The following ZBTB7C variants were observed in gnomAD, a reference collection of about 807,000 sequenced individuals.
ZBTB7C encodes zinc finger and BTB domain containing 7C, also known as zinc finger and BTB domain-containing protein 7C.
A neutral mutation model predicts 25.7 loss-of-function variants in ZBTB7C; 8 were observed. That is an observed-to-expected ratio of 0.31 (90% CI 0.18 to 0.56). ZBTB7C has a LOEUF of 0.56. Ranked by LOEUF, ZBTB7C falls within the 20% of genes least tolerant of loss-of-function variation. ZBTB7C has a pLI of 0.91. For synonymous variants in ZBTB7C, 394 were observed against 369.0 expected, an observed-to-expected ratio of 1.07 and a Z score of -0.78; for missense variants, 824 against 855.2, an observed-to-expected ratio of 0.96 and a Z score of 0.46.
intron 1 of ZBTB7C, among the ~76,000 whole-genome samples, chr18:48,377,655 T>A (rs545990498): frequency 6.6e-6 from 1 of 152,178 alleles, no homozygotes; most frequent in South Asian, 2.1e-4. Flanking sequence ...TACACAAGAA[T>A]GGGAAGAACT....
At chr18:48,404,975 C>T (rs1319210012) in intron 1 of ZBTB7C, among the ~76,000 whole-genome samples, 1 of 152,348 alleles carries the variant, frequency 6.6e-6, no homozygotes, top group East Asian at 1.9e-4. Flanking sequence ...CCATCCACAG[C>T]CTCCTACTGA....
intron 3 of ZBTB7C, among the ~76,000 whole-genome samples, chr18:48,183,441 G>A (rs2041978088): frequency 1.3e-5 from 2 of 152,114 alleles, no homozygotes; most frequent in South Asian, 2.1e-4. Flanking sequence ...GCCTTGAGAC[G>A]ATACTGTCTG....
At chr18:48,143,679 A>G (rs2144847336) in intron 3 of ZBTB7C, among the ~76,000 whole-genome samples, 1 of 152,270 alleles carries the variant, frequency 6.6e-6, no homozygotes, top group African/African-American at 2.4e-5. Context: ...TGCCTAGTCC[A>G]GTTTTAACAA....
At chr18:48,038,991 G>T (rs1216165348) in intron 4 of ZBTB7C, among the ~76,000 whole-genome samples, 1 of 152,226 alleles carries the variant, frequency 6.6e-6, no homozygotes, top group Non-Finnish European at 1.5e-5. Flanking sequence ...GTGAGGCCTA[G>T]CCAAAGCTGG....
chr18:48,129,205 CA>C (rs1316951760), intron 3 of ZBTB7C, among the ~76,000 whole-genome samples: 1 of 151,816 alleles, frequency 6.6e-6, no homozygotes, highest in African/African-American at 2.4e-5. Context: ...CACTGCCCTC[CA>C]AAAAAACTGC....
At position 48,029,543 on chromosome 18, in the gene ZBTB7C, G is replaced by A; in HGVS notation, c.1577C>T (p.Pro526Leu). 4 of 1,563,358 alleles carry A rather than the reference G, an allele frequency of 2.6e-6. No homozygotes were observed. Among genetic ancestry groups the A allele is most frequent in the Non-Finnish European group, 3.4e-6 (4 of 1,165,344 alleles). ...GAAGTGCTTGGCGGGGCTGGGGCCC[G>A]GGAGGCACACAGCTGCGCCGCCCAG... ...GHLGGAAVCL[P>L]GPSPAKHFLA... The change falls in exon 5 of 5, where the codon CCG becomes CTG. Residue 526 changes from proline to leucine, a missense_variant. Pro to Leu is a moderately conservative substitution (Grantham distance 98). Around this residue, in one of 4 missense-constraint regions of ZBTB7C, gnomAD observed 342 missense variants for 307.0 expected, o/e 1.11. Coordinates refer to ENST00000590800, the MANE Select transcript of ZBTB7C (RefSeq NM_001318841.2).
chr18:48,115,818 C>T (rs1329158715), intron 3 of ZBTB7C, among the ~76,000 whole-genome samples: 1 of 152,042 alleles, frequency 6.6e-6, no homozygotes, highest in Non-Finnish European at 1.5e-5. Flanking sequence ...TTTAGTCCTA[C>T]ATAAGTGGTA....
At chr18:48,295,027 T>C (rs1041522725) in intron 2 of ZBTB7C, among the ~76,000 whole-genome samples, 5 of 151,592 alleles carry the variant, frequency 3.3e-5, no homozygotes, top group Admixed American at 6.6e-5. Flanking sequence ...AAATAGGAGG[T>C]GAGAGGGCAC....
At chr18:48,057,946 T>A (rs1423714290) in intron 3 of ZBTB7C, among the ~76,000 whole-genome samples, 1 of 152,188 alleles carries the variant, frequency 6.6e-6, no homozygotes, top group South Asian at 2.1e-4. Flanking sequence ...TGCACGGTAA[T>A]GTCCCCGTGG....
At chr18:48,402,582 T>C (rs2048185551) in intron 1 of ZBTB7C, among the ~76,000 whole-genome samples, 1 of 152,242 alleles carries the variant, frequency 6.6e-6, no homozygotes, top group Non-Finnish European at 1.5e-5. Context: ...GTGAAGAGAC[T>C]TGACATTTTC....
intron 2 of ZBTB7C, among the ~76,000 whole-genome samples, chr18:48,335,066 G>C (rs2046430510): frequency 6.6e-6 from 1 of 152,210 alleles, no homozygotes; most frequent in East Asian, 1.9e-4. Flanking sequence ...TGACCACACA[G>C]GTCTGGATAA....
chr18:48,291,998 G>A (rs1180915365), intron 2 of ZBTB7C, among the ~76,000 whole-genome samples: 5 of 152,126 alleles, frequency 3.3e-5, no homozygotes, highest in Non-Finnish European at 7.4e-5. Flanking sequence ...AGGAGTTTGA[G>A]GCCAGCCTGG....
chr18:48,291,065 AC>A (rs779824373), intron 2 of ZBTB7C, among the ~76,000 whole-genome samples: 2 of 152,234 alleles, frequency 1.3e-5, no homozygotes, highest in Non-Finnish European at 2.9e-5. Context: ...CATCTTAGGT[AC>A]CACAGAACCT....
chr18:48,366,038 G>A (rs2047214751), intron 1 of ZBTB7C, among the ~76,000 whole-genome samples: 1 of 152,190 alleles, frequency 6.6e-6, no homozygotes, highest in Admixed American at 6.5e-5. Context: ...AGTCTAAGAG[G>A]TGGAGAAACT....
intron 2 of ZBTB7C, among the ~76,000 whole-genome samples, chr18:48,231,962 C>T (rs550626830): frequency 8.1e-4 from 124 of 152,306 alleles, no homozygotes; most frequent in African/African-American, 2.9e-3. Flanking sequence ...CTGCTGCAGC[C>T]AGCATGCTTA....
chr18:48,335,521 G>T (rs746460974), intron 2 of ZBTB7C, among the ~76,000 whole-genome samples: 1 of 152,164 alleles, frequency 6.6e-6, no homozygotes, highest in Non-Finnish European at 1.5e-5. Context: ...TCTAGAATAA[G>T]TGATTCAAGA....
Position 48,040,911 on chromosome 18 carries a change from C to T in ZBTB7C, c.197G>A (p.Gly66Asp). The change falls in exon 4 of 5, where the codon GGC becomes GAC. Residue 66 changes from glycine (G) to aspartate (D), a missense_variant. Coordinates refer to ENST00000590800, the MANE Select transcript of ZBTB7C (RefSeq NM_001318841.2). ...GACGTAGGGCTGGCTGGCTAGGGTG[C>T]CGGCTGTGAAAAGCTTCTTGAAGTA... ...SKYFKKLFTA[G>D]TLASQPYVYE... is the part of the protein sequence containing the mutation. 1 of 1,614,130 alleles carries T rather than the reference C, an allele frequency of 6.2e-7. No homozygotes were observed. The highest frequency in any genetic ancestry group is 8.5e-7 in the Non-Finnish European group (1 of 1,180,048).
intron 3 of ZBTB7C, among the ~76,000 whole-genome samples, chr18:48,059,168 GT>G (rs2037033024): frequency 6.6e-6 from 1 of 152,132 alleles, no homozygotes; most frequent in South Asian, 2.1e-4. Flanking sequence ...GAAGCAGGAT[GT>G]ACTCTTTGGC....
At chr18:48,042,334 T>G (rs2036285754) in intron 3 of ZBTB7C, among the ~76,000 whole-genome samples, 1 of 152,230 alleles carries the variant, frequency 6.6e-6, no homozygotes, top group Non-Finnish European at 1.5e-5. Context: ...TTGGACAAGC[T>G]TCATAGGGCT....
Sources: gnomAD v4.1 joint callset for allele counts (sites outside exome capture counted in the v4.1 genomes callset) on GRCh38, gnomAD v4.1.1 for gene constraint, gnomAD v4.1.1 regional missense constraint, MANE v1.5 for transcripts, NCBI Gene and HGNC (gene_info 2026-07-23, HGNC 2026-07-21) for gene names.